RABGAP1L: variants seen among roughly 807,000 people sequenced by gnomAD.
RABGAP1L encodes the protein rab GTPase-activating protein 1-like.
In RABGAP1L, 63 loss-of-function variants were observed where a neutral mutation model predicts 137.7. The observed-to-expected ratio is 0.46, with a 90% confidence interval of 0.37 to 0.56. The LOEUF (loss-of-function observed/expected upper bound fraction) is 0.56, where lower values mean the gene tolerates loss of function less well. RABGAP1L is among the 20% of genes least tolerant of loss of function. The probability of loss-of-function intolerance (pLI) is 0.00; values close to 1 mark genes in which losing one functional copy is unlikely to be tolerated. For missense variants in RABGAP1L, 1,095 were observed against 1,244.0 expected (o/e 0.88, Z 1.80); for synonymous variants, 431 against 433.7 (o/e 0.99, Z 0.08).
chr1:174,955,731 A>G (rs1208819166), intron 19 of RABGAP1L, among the ~76,000 whole-genome samples: 1 of 152,218 alleles, frequency 6.6e-6, no homozygotes, highest in Non-Finnish European at 1.5e-5. Context: ...AGTTTGCAAC[A>G]TAGCACGTTT....
intron 13 of RABGAP1L, among the ~76,000 whole-genome samples, chr1:174,503,657 T>TTAAAAAAAA (rs774976029): frequency 2.0e-4 from 1 of 5,128 alleles, no homozygotes; most frequent in African/African-American, 5.0e-4. Flanking sequence ...CGAGACTCCG[T>TTAAAAAAAA]CAAAAAAAAA....
chr1:174,347,525 C>A (rs1682556845), intron 11 of RABGAP1L, among the ~76,000 whole-genome samples: 1 of 150,974 alleles, frequency 6.6e-6, no homozygotes, highest in Admixed American at 6.6e-5. Context: ...CTGAGTCTTG[C>A]TCTGTCACCC....
intron 19 of RABGAP1L, among the ~76,000 whole-genome samples, chr1:174,892,875 G>A (rs1320526884): frequency 1.4e-4 from 20 of 147,366 alleles, no homozygotes; most frequent in African/African-American, 4.0e-4. Flanking sequence ...GATTACAGGC[G>A]CCCGCCACCT....
intron 11 of RABGAP1L, among the ~76,000 whole-genome samples, chr1:174,364,278 G>A (rs113334950): frequency 4.4e-4 from 33 of 74,286 alleles, no homozygotes; most frequent in African/African-American, 1.6e-3. Flanking sequence ...TTTTTGAGAC[G>A]GAGTCTCGCT....
At chr1:174,292,327 ATCTTT>A (rs1676698351) in intron 10 of RABGAP1L, among the ~76,000 whole-genome samples, 1 of 103,844 alleles carries the variant, frequency 9.6e-6, no homozygotes, top group South Asian at 3.1e-4. Flanking sequence ...CACCTACCTA[ATCTTT>A]TTTTTTTTTT....
intron 17 of RABGAP1L, among the ~76,000 whole-genome samples, chr1:174,733,775 T>C (rs1682705829): frequency 6.6e-6 from 1 of 152,104 alleles, no homozygotes; most frequent in South Asian, 2.1e-4. Context: ...ATGTCTCCCT[T>C]AAAGGGATCA....
At chr1:174,941,242 G>A (rs572743964) in intron 19 of RABGAP1L, among the ~76,000 whole-genome samples, 20 of 148,774 alleles carry the variant, frequency 1.3e-4, no homozygotes, top group African/African-American at 4.6e-4. Flanking sequence ...TCTACACAGC[G>A]TGTTAGTTAG....
intron 13 of RABGAP1L, among the ~76,000 whole-genome samples, chr1:174,519,639 A>G (rs1406086248): frequency 6.6e-6 from 1 of 152,196 alleles, no homozygotes; most frequent in Non-Finnish European, 1.5e-5. Context: ...TTATCTTTCT[A>G]AAATAGAACA....
intron 18 of RABGAP1L, among the ~76,000 whole-genome samples, chr1:174,769,368 A>C (rs1389859701): frequency 1.3e-5 from 2 of 152,126 alleles, no homozygotes; most frequent in Non-Finnish European, 2.9e-5. Context: ...GGTGTCATGC[A>C]AAAAACCTGA....
intron 19 of RABGAP1L, among the ~76,000 whole-genome samples, chr1:174,881,938 C>T (rs536076274): frequency 2.6e-5 from 4 of 152,120 alleles, no homozygotes; most frequent in East Asian, 3.9e-4. Context: ...CTCAGCTCAC[C>T]GCTATCTCTG....
chr1:174,819,207 A>AAAG (rs1690752417), intron 19 of RABGAP1L, among the ~76,000 whole-genome samples: 4 of 151,128 alleles, frequency 2.6e-5, no homozygotes, highest in Admixed American at 2.0e-4. Flanking sequence ...AAAAAAAAAA[A>AAAG]AAAAAAGAGA....
At chr1:174,815,078 G>A (rs1438295485) in intron 19 of RABGAP1L, among the ~76,000 whole-genome samples, 1 of 152,098 alleles carries the variant, frequency 6.6e-6, no homozygotes, top group African/African-American at 2.4e-5. Context: ...CCACTAAATC[G>A]ATTTTACAAT....
At chr1:174,651,091 T>G (rs1450178560) in intron 14 of RABGAP1L, among the ~76,000 whole-genome samples, 3 of 152,154 alleles carry the variant, frequency 2.0e-5, no homozygotes, top group African/African-American at 7.2e-5. Flanking sequence ...TTTCGTTATG[T>G]ACCCAGCAGT....
intron 13 of RABGAP1L, among the ~76,000 whole-genome samples, chr1:174,437,899 A>T (rs969525176): frequency 3.3e-5 from 5 of 152,198 alleles, no homozygotes; most frequent in African/African-American, 1.2e-4. Context: ...GCCAGAAGAG[A>T]GTGGGGGCCA....
intron 13 of RABGAP1L, among the ~76,000 whole-genome samples, chr1:174,445,691 T>A (rs1483765484): frequency 6.6e-6 from 1 of 152,210 alleles, no homozygotes; most frequent in Non-Finnish European, 1.5e-5. Flanking sequence ...TTGGCAAATT[T>A]TTAATAATTA....
At chr1:174,485,520 C>A (rs541908408) in intron 13 of RABGAP1L, among the ~76,000 whole-genome samples, 4 of 152,066 alleles carry the variant, frequency 2.6e-5, no homozygotes, top group African/African-American at 9.7e-5. Flanking sequence ...TCCCTCTATC[C>A]CCAGTTTTTG....
At chr1:174,588,836 T>C (rs1029220788) in intron 13 of RABGAP1L, among the ~76,000 whole-genome samples, 2 of 152,224 alleles carry the variant, frequency 1.3e-5, no homozygotes, top group Non-Finnish European at 2.9e-5. Flanking sequence ...ACATTTTCTT[T>C]ATCCATTCAT....
rs184658081 is a variant in RABGAP1L at position 174,558,057 on chromosome 1, A to G, written c.1711-79318A>G. Among the ~76,000 whole-genome samples, 51 of 152,358 alleles carry G rather than the reference A, an allele frequency of 3.3e-4. No individual in the cohort carries two copies. In the South Asian group the frequency reaches 6.4e-3, roughly 19 times the overall value. On this transcript the variant is annotated intron_variant, in intron 13 of 25. Transcript: ENST00000681986. The stretch of plus-strand genomic sequence containing the variant: ...CCGCTTCCTTATCCCCTGAAGGGGA[A>G]TGGGATAAGGAAAACATTCTCCTTT...
intron 13 of RABGAP1L, among the ~76,000 whole-genome samples, chr1:174,539,816 G>A (rs907741718): frequency 6.6e-6 from 1 of 152,182 alleles, no homozygotes; most frequent in Admixed American, 6.5e-5. Flanking sequence ...CCAGTAATGG[G>A]ATGTCTGGGT....
Sources: gnomAD v4.1 joint callset for allele counts (sites outside exome capture counted in the v4.1 genomes callset) on GRCh38, gnomAD v4.1.1 for gene constraint, MANE v1.5 for transcripts, NCBI Gene and HGNC (gene_info 2026-07-23, HGNC 2026-07-21) for gene names.